MARCHF1: variants seen among roughly 807,000 people sequenced by gnomAD.
The protein encoded by MARCHF1 is membrane associated ring-CH-type finger 1, also known as E3 ubiquitin-protein ligase MARCHF1.
Under a neutral mutation model 54.2 loss-of-function variants are expected in MARCHF1, and 40 were observed. The observed-to-expected ratio is 0.74, with a 90% CI of 0.57 to 0.96. The LOEUF (loss-of-function observed/expected upper bound fraction) is 0.96, where lower values mean the gene tolerates loss of function less well. MARCHF1 is among the 40% of genes least tolerant of loss of function. MARCHF1 has a pLI of 0.00. For synonymous variants in MARCHF1, 236 were observed against 236.3 expected (o/e 1.00, Z 0.01); for missense variants, 586 against 656.5 (o/e 0.89, Z 1.17).
intron 4 of MARCHF1, among the ~76,000 whole-genome samples, chr4:163,828,350 ATTCT>A (rs1748914874): frequency 6.6e-6 from 1 of 152,080 alleles, no homozygotes; most frequent in African/African-American, 2.4e-5. Context: ...CTTTTACATC[ATTCT>A]TTCTTTCCTC....
At chr4:163,983,016 A>G (rs975840890) in intron 3 of MARCHF1, among the ~76,000 whole-genome samples, 2 of 152,190 alleles carry the variant, frequency 1.3e-5, no homozygotes, top group Non-Finnish European at 2.9e-5. Flanking sequence ...ATGACTGAGA[A>G]TGGGGAGGGT....
chr4:163,559,065 A>G (rs147951521), intron 8 of MARCHF1, among the ~76,000 whole-genome samples: 1 of 152,220 alleles, frequency 6.6e-6, no homozygotes, highest in East Asian at 1.9e-4. Context: ...TTTTTCATTT[A>G]CATTTAATTT....
chr4:164,056,809 G>T (rs186912761), intron 2 of MARCHF1, among the ~76,000 whole-genome samples: 1 of 152,104 alleles, frequency 6.6e-6, no homozygotes, highest in South Asian at 2.1e-4. Flanking sequence ...TGGGACAATG[G>T]AGCAAATGCC....
chr4:163,669,550 A>G (rs1743656979), intron 5 of MARCHF1, among the ~76,000 whole-genome samples: 1 of 152,060 alleles, frequency 6.6e-6, no homozygotes, highest in African/African-American at 2.4e-5. Context: ...CCTCTAGGGA[A>G]AAGTAGCCCC....
chr4:164,142,210 G>C (rs1408015068), intron 1 of MARCHF1, among the ~76,000 whole-genome samples: 1 of 152,202 alleles, frequency 6.6e-6, no homozygotes, highest in Non-Finnish European at 1.5e-5. Flanking sequence ...ACAGCAGTCT[G>C]AGATCAAACT....
At chr4:164,052,972 T>G (rs1343309424) in intron 2 of MARCHF1, among the ~76,000 whole-genome samples, 1 of 152,208 alleles carries the variant, frequency 6.6e-6, no homozygotes, top group Non-Finnish European at 1.5e-5. Context: ...TTTCAGTAAC[T>G]GTCTCATATA....
intron 4 of MARCHF1, among the ~76,000 whole-genome samples, chr4:163,716,750 G>C (rs1032582771): frequency 3.3e-5 from 5 of 152,130 alleles, no homozygotes; most frequent in African/African-American, 1.2e-4. Flanking sequence ...CAATCAAAAT[G>C]CACACAGAAC....
At chr4:164,371,655 T>C (rs1731040060) in intron 1 of MARCHF1, among the ~76,000 whole-genome samples, 1 of 152,100 alleles carries the variant, frequency 6.6e-6, no homozygotes, top group South Asian at 2.1e-4. Flanking sequence ...ATAGCACCAA[T>C]GAGGGAAAAC....
chr4:164,109,912 TAAAAAAAAAAAA>T (rs57433858), intron 2 of MARCHF1, among the ~76,000 whole-genome samples: 5 of 63,156 alleles, frequency 7.9e-5, no homozygotes, highest in Non-Finnish European at 1.1e-4. Flanking sequence ...AAAATAAAAG[TAAAAAAAAAAAA>T]AAAAAAAAAA....
At chr4:163,810,713 T>A (rs1560765666) in intron 4 of MARCHF1, among the ~76,000 whole-genome samples, 1 of 152,250 alleles carries the variant, frequency 6.6e-6, no homozygotes. Flanking sequence ...TTTCTTTTTA[T>A]AAATGTGAAG....
chr4:164,184,480 A>T (rs1434502824), intron 1 of MARCHF1, among the ~76,000 whole-genome samples: 1 of 152,210 alleles, frequency 6.6e-6, no homozygotes, highest in Non-Finnish European at 1.5e-5. Context: ...ACATACACAA[A>T]ACACAAAAGG....
At chr4:164,225,114 A>G (rs1464162847) in intron 1 of MARCHF1, among the ~76,000 whole-genome samples, 1 of 152,044 alleles carries the variant, frequency 6.6e-6, no homozygotes, top group African/African-American at 2.4e-5. Context: ...ACATTTCACA[A>G]TCTACTCTGG....
chr4:164,326,283 T>G (rs1735278957), intron 1 of MARCHF1, among the ~76,000 whole-genome samples: 1 of 152,216 alleles, frequency 6.6e-6, no homozygotes. Flanking sequence ...GACAATGAGA[T>G]GCAAAATGAC....
intron 1 of MARCHF1, among the ~76,000 whole-genome samples, chr4:164,364,277 A>T (rs1174287850): frequency 6.6e-6 from 1 of 152,116 alleles, no homozygotes; most frequent in Non-Finnish European, 1.5e-5. Context: ...TATAGTCAGT[A>T]AAAACGTGAG....
chr4:164,109,912 T>TGAA (rs71600672), intron 2 of MARCHF1, among the ~76,000 whole-genome samples: 1 of 63,156 alleles, frequency 1.6e-5, no homozygotes, highest in Non-Finnish European at 2.7e-5. Context: ...AAAATAAAAG[T>TGAA]AAAAAAAAAA....
At chr4:163,784,288 G>A (rs1389956985) in intron 4 of MARCHF1, among the ~76,000 whole-genome samples, 3 of 152,066 alleles carry the variant, frequency 2.0e-5, no homozygotes, top group Admixed American at 2.0e-4. Context: ...TCTAGAAGAA[G>A]TCAAAAAGGA....
chr4:164,203,068 C>T (rs1402012004), intron 1 of MARCHF1, among the ~76,000 whole-genome samples: 1 of 151,820 alleles, frequency 6.6e-6, no homozygotes, highest in East Asian at 1.9e-4. Context: ...CCCTCTCTCT[C>T]CTTGATATAG....
intron 2 of MARCHF1, among the ~76,000 whole-genome samples, chr4:164,056,291 T>C (rs1406870231): frequency 6.6e-6 from 1 of 152,122 alleles, no homozygotes; most frequent in Non-Finnish European, 1.5e-5. Flanking sequence ...TCCTCAGGGG[T>C]CATTCCTTAA....
At chr4:164,142,314 C>T (rs1756565042) in intron 1 of MARCHF1, among the ~76,000 whole-genome samples, 1 of 152,124 alleles carries the variant, frequency 6.6e-6, no homozygotes, top group African/African-American at 2.4e-5. Flanking sequence ...CTGGGTGGAG[C>T]CCACCACAGC....
Sources: allele counts gnomAD v4.1 joint callset (sites outside exome capture counted in the v4.1 genomes callset), GRCh38; gene constraint gnomAD v4.1.1; transcripts MANE v1.5; gene names NCBI Gene and HGNC (gene_info 2026-07-23, HGNC 2026-07-21).